The following FGGY variants were observed in gnomAD, a reference collection of about 807,000 sequenced individuals.
FGGY encodes the protein FGGY carbohydrate kinase domain containing.
In FGGY, 72 loss-of-function variants were observed where a neutral mutation model predicts 71.3. The observed-to-expected ratio is 1.01, with a 90% CI of 0.84 to 1.23. The LOEUF (loss-of-function observed/expected upper bound fraction) is 1.23. Ranked by LOEUF, FGGY falls within the 50% of genes most tolerant of loss-of-function variation. The pLI, the probability that FGGY is intolerant of heterozygous loss-of-function variation, is 0.00. For missense variants in FGGY, 668 were observed against 682.3 expected (o/e 0.98, Z 0.23); for synonymous variants, 251 against 250.3 (o/e 1.00, Z -0.02).
rs1253405804 is a variant in FGGY at position 59,416,396 on chromosome 1, G to GA, written c.554+37567dup. On this transcript the variant is annotated intron_variant, in intron 5 of 15. Transcript: ENST00000303721. ...AAGGGTCTTTAGTGGGGGCGATAGT[G>GA]AAAAAAAAGTTTGAGAGTGATTTAT... Among the ~76,000 whole-genome samples the GA allele has an allele frequency of 1.3e-5, 2 of 151,698 alleles. 1 individual carries two copies. Among genetic ancestry groups the GA allele is most frequent in the South Asian group, 4.1e-4 (2 of 4,822 alleles).
chr1:59,336,819 A>G (rs1459265095), intron 2 of FGGY, among the ~76,000 whole-genome samples: 2 of 151,970 alleles, frequency 1.3e-5, no homozygotes, highest in African/African-American at 2.4e-5. Context: ...CATCTGAACA[A>G]TGTTGAATTT....
At chr1:59,533,993 AG>A (rs2095241437) in intron 7 of FGGY, among the ~76,000 whole-genome samples, 1 of 152,230 alleles carries the variant, frequency 6.6e-6, no homozygotes, top group Non-Finnish European at 1.5e-5. Flanking sequence ...ATGACTTTGA[AG>A]AGCTGAGAGA....
chr1:59,725,266 G>A, intron 14 of FGGY, among the ~76,000 whole-genome samples: 1 of 152,242 alleles, frequency 6.6e-6, no homozygotes, highest in East Asian at 1.9e-4. Flanking sequence ...AGTTGGAAAA[G>A]GAATAAATCA....
At chr1:59,501,221 A>G (rs1246958284) in intron 6 of FGGY, among the ~76,000 whole-genome samples, 1 of 152,232 alleles carries the variant, frequency 6.6e-6, no homozygotes, top group East Asian at 1.9e-4. Context: ...ACATGAGGTC[A>G]TAAAAGGAAG....
chr1:59,525,077 C>T (rs540524836), intron 7 of FGGY, among the ~76,000 whole-genome samples: 6 of 152,346 alleles, frequency 3.9e-5, no homozygotes, highest in Admixed American at 6.5e-5. Flanking sequence ...TTCCCCTCAT[C>T]CAGATGCGGG....
At chr1:59,603,624 G>A (rs11207488) in intron 8 of FGGY, among the ~76,000 whole-genome samples, 19,959 of 152,160 alleles carry the variant, frequency 0.13, 1,592 homozygotes, top group South Asian at 0.3. Flanking sequence ...ACGTAAGATC[G>A]CCTAGCTGAG....
intron 14 of FGGY, among the ~76,000 whole-genome samples, chr1:59,723,380 T>C (rs887251729): frequency 6.6e-6 from 1 of 152,148 alleles, no homozygotes; most frequent in Non-Finnish European, 1.5e-5. Context: ...TATATTTAAA[T>C]TCCCCCTCAA....
intron 5 of FGGY, among the ~76,000 whole-genome samples, chr1:59,418,481 A>G (rs2064852349): frequency 6.6e-6 from 1 of 151,640 alleles, no homozygotes; most frequent in Non-Finnish European, 1.5e-5. Flanking sequence ...GTGAGCAGGA[A>G]GGGAAGGAGG....
intron 9 of FGGY, among the ~76,000 whole-genome samples, chr1:59,610,036 T>C (rs1265062263): frequency 6.6e-6 from 1 of 152,180 alleles, no homozygotes. Context: ...CACTTTATAT[T>C]CTCCTATTTA....
At chr1:59,588,513 G>A (rs1467548981) in intron 8 of FGGY, among the ~76,000 whole-genome samples, 1 of 152,028 alleles carries the variant, frequency 6.6e-6, no homozygotes, top group Admixed American at 6.6e-5. Context: ...AAAGTCGAAG[G>A]AAAAAATATT....
At chr1:59,594,064 A>T (rs893557189) in intron 8 of FGGY, among the ~76,000 whole-genome samples, 2 of 152,236 alleles carry the variant, frequency 1.3e-5, no homozygotes, top group Non-Finnish European at 2.9e-5. Context: ...AAGTGTAAAC[A>T]TCTGATGTCT....
intron 9 of FGGY, among the ~76,000 whole-genome samples, chr1:59,612,170 G>C (rs557785726): frequency 2.2e-4 from 34 of 152,232 alleles, no homozygotes; most frequent in Admixed American, 2.0e-3. Flanking sequence ...TCCTCGAGAA[G>C]AGCAACTCCA....
intron 5 of FGGY, among the ~76,000 whole-genome samples, chr1:59,452,302 TA>T (rs1456066811): frequency 6.6e-6 from 1 of 152,156 alleles, no homozygotes; most frequent in African/African-American, 2.4e-5. Flanking sequence ...AAGATAAAGA[TA>T]AAGATAAAAT....
intron 7 of FGGY, among the ~76,000 whole-genome samples, chr1:59,546,216 T>C (rs180835161): frequency 1.2e-4 from 18 of 152,282 alleles, no homozygotes; most frequent in Non-Finnish European, 2.4e-4. Flanking sequence ...CATTCTATCA[T>C]CATTCCAATT....
intron 5 of FGGY, among the ~76,000 whole-genome samples, chr1:59,431,104 C>G (rs1324059517): frequency 6.6e-6 from 1 of 152,134 alleles, no homozygotes; most frequent in South Asian, 2.1e-4. Context: ...CTCCCTGGGT[C>G]CAGTCATCTT....
chr1:59,473,062 C>T (rs978139444), intron 6 of FGGY, among the ~76,000 whole-genome samples: 14 of 152,154 alleles, frequency 9.2e-5, no homozygotes, highest in African/African-American at 1.7e-4. Context: ...AAGTAGGCTG[C>T]CCGAGCCAGC....
chr1:59,501,819 G>T (rs1003417837), intron 6 of FGGY, among the ~76,000 whole-genome samples: 15 of 152,062 alleles, frequency 9.9e-5, no homozygotes, highest in African/African-American at 3.1e-4. Flanking sequence ...TTGCTCTCAT[G>T]ACCCCAAAAG....
rs188688209 is a variant in FGGY, at chr1:59,710,507, G to A, written c.1512+36374G>A. 2.4e-4 allele frequency among the ~76,000 whole-genome samples: 37 copies of A among 152,274 alleles called. No homozygotes were observed. The East Asian group carries it at 7.1e-3, about 29-fold the overall frequency. On this transcript the variant is annotated intron_variant, in intron 14 of 15. Transcript: ENST00000303721. The stretch of plus-strand genomic sequence containing the variant: ...AAAGAAACTATCATCAGAGTGAACA[G>A]GCAACCTACAGAAGGGGAGAAAATT...
chr1:59,377,155 ATCATCCAATG>A (rs2153321435), intron 4 of FGGY, among the ~76,000 whole-genome samples: 1 of 152,174 alleles, frequency 6.6e-6, no homozygotes, highest in African/African-American at 2.4e-5. Flanking sequence ...AGAGGAGACA[ATCATCCAATG>A]TCATGGTGAA....
Sources: allele counts gnomAD v4.1 joint callset (sites outside exome capture counted in the v4.1 genomes callset), GRCh38; gene constraint gnomAD v4.1.1; transcripts MANE v1.5; gene names NCBI Gene and HGNC (gene_info 2026-07-23, HGNC 2026-07-21).